The following DNAH14 variants were observed in gnomAD, a reference collection of about 807,000 sequenced individuals.
DNAH14 encodes the protein dynein axonemal heavy chain 14, also known as axonemal beta dynein heavy chain 14.
A neutral mutation model predicts 520.9 loss-of-function variants in DNAH14; 478 were observed. That is an observed-to-expected ratio of 0.92 (90% CI 0.85 to 0.99). The LOEUF (loss-of-function observed/expected upper bound fraction) is 0.99. Among genes scored for constraint, DNAH14 ranks in the 50% least tolerant of loss-of-function variants. DNAH14 has a pLI of 0.00. For synonymous variants in DNAH14, 1,581 were observed against 1,757.2 expected (o/e 0.90, Z 2.51); for missense variants, 4,831 against 5,234.5 (o/e 0.92, Z 2.38).
chr1:225,373,063 T>C (rs888988024), intron 77 of DNAH14, among the ~76,000 whole-genome samples: 1 of 151,470 alleles, frequency 6.6e-6, no homozygotes, highest in Non-Finnish European at 1.5e-5. Flanking sequence ...AACAAAAAAA[T>C]TCCTTCACAC....
At chr1:225,150,758 C>T (rs2080423736) in intron 31 of DNAH14, among the ~76,000 whole-genome samples, 1 of 152,036 alleles carries the variant, frequency 6.6e-6, no homozygotes, top group African/African-American at 2.4e-5. Flanking sequence ...AGGCAGACAT[C>T]TCACTCTGTT....
chr1:225,129,784 A>G (rs902409964), intron 27 of DNAH14, among the ~76,000 whole-genome samples: 1 of 152,160 alleles, frequency 6.6e-6, no homozygotes, highest in African/African-American at 2.4e-5. Flanking sequence ...TAAAACACCA[A>G]AAGCAATGGC....
At chr1:225,049,632 G>C (rs1482091799) in intron 15 of DNAH14, among the ~76,000 whole-genome samples, 1 of 152,044 alleles carries the variant, frequency 6.6e-6, no homozygotes, top group East Asian at 1.9e-4. Context: ...AGATCACACA[G>C]ATTTTCTCTC....
intron 17 of DNAH14, among the ~76,000 whole-genome samples, chr1:225,067,078 G>T (rs573287630): frequency 6.6e-6 from 1 of 151,976 alleles, no homozygotes; most frequent in Non-Finnish European, 1.5e-5. Context: ...CATCAGCCAG[G>T]TATTAATCCA....
rs969366737 is a variant in DNAH14 at position 225,002,903 on chromosome 1, T to C, written c.951T>C (p.Asn317=). 1.3e-6 allele frequency: 2 copies of C among 1,548,998 alleles called. No individual in the cohort carries two copies. Among genetic ancestry groups the C allele is most frequent in the African/African-American group, 2.7e-5 (2 of 72,934 alleles). The stretch of plus-strand genomic sequence containing the variant: ...AAAATTATAATGACCATGAAAATAA[T>C]CTATCTGCCATATGCCTTGTAAAGG... ...NLKNYNDHEN[N]LSAICLVKLD... Residue 317 remains asparagine (N), a synonymous_variant, in exon 9 of 86, where the codon AAT becomes AAC. Coordinates refer to ENST00000682510, the MANE Select transcript of DNAH14 (RefSeq NM_001367479.1).
chr1:225,335,221 AT>A (rs2094913498), intron 66 of DNAH14, among the ~76,000 whole-genome samples: 1 of 136,078 alleles, frequency 7.3e-6, no homozygotes, highest in Non-Finnish European at 1.7e-5. Flanking sequence ...GTGTGTATAT[AT>A]GCACATATAC....
At chr1:225,364,519 AT>A (rs2150576338) in intron 75 of DNAH14, among the ~76,000 whole-genome samples, 1 of 152,140 alleles carries the variant, frequency 6.6e-6, no homozygotes, top group East Asian at 1.9e-4. Flanking sequence ...AGAACTCTTC[AT>A]TTTGTTCTTA....
At chr1:225,338,518 G>A (rs1026987327) in intron 68 of DNAH14, among the ~76,000 whole-genome samples, 4 of 152,062 alleles carry the variant, frequency 2.6e-5, no homozygotes, top group Admixed American at 2.6e-4. Flanking sequence ...TTATTTGGGC[G>A]AGAAAAGTTT....
intron 11 of DNAH14, among the ~76,000 whole-genome samples, chr1:225,028,767 A>G (rs867549613): frequency 1.3e-5 from 2 of 152,044 alleles, no homozygotes; most frequent in Admixed American, 1.3e-4. Context: ...TTACATACCT[A>G]CTAGAATGGC....
At chr1:225,398,285 C>A (rs1407080174) in intron 84 of DNAH14, among the ~76,000 whole-genome samples, 2 of 152,098 alleles carry the variant, frequency 1.3e-5, no homozygotes, top group Non-Finnish European at 2.9e-5. Flanking sequence ...GGAAGGGTGT[C>A]ATGGAAAAAA....
chr1:224,938,284 C>T (rs1461436028), intron 1 of DNAH14, among the ~76,000 whole-genome samples: 2 of 152,112 alleles, frequency 1.3e-5, no homozygotes, highest in Admixed American at 1.3e-4. Flanking sequence ...AACGTATTTG[C>T]AACCTAAGCA....
chr1:225,392,855 G>A (rs2095938867), intron 84 of DNAH14, among the ~76,000 whole-genome samples: 1 of 152,204 alleles, frequency 6.6e-6, no homozygotes, highest in South Asian at 2.1e-4. Flanking sequence ...CAGGTGCTAA[G>A]TGGAAACCTA....
intron 42 of DNAH14, among the ~76,000 whole-genome samples, chr1:225,236,918 A>C (rs935400140): frequency 6.6e-6 from 1 of 152,160 alleles, no homozygotes; most frequent in Non-Finnish European, 1.5e-5. Flanking sequence ...AATCATATGT[A>C]ATCATATACA....
chr1:225,281,461 T>A (rs1335763609), intron 54 of DNAH14, among the ~76,000 whole-genome samples: 1 of 152,162 alleles, frequency 6.6e-6, no homozygotes, highest in Non-Finnish European at 1.5e-5. Flanking sequence ...AGGTCTTTAA[T>A]CTTAATCATG....
Position 225,333,524 on chromosome 1 carries a change from T to C in DNAH14, c.10080+18T>C. On this transcript the variant is annotated intron_variant, in intron 66 of 85. Transcript: ENST00000682510. ...AATATGAGGTAATAACATATTTCTA[T>C]TATCCAGTTAAGTGGCTATTATTGT... is the stretch of plus-strand genomic sequence containing the variant. 6.5e-7 allele frequency: 1 copy of C among 1,537,588 alleles called. No homozygotes were observed. The highest frequency in any genetic ancestry group is 8.8e-7 in the Non-Finnish European group (1 of 1,136,714).
At chr1:225,126,440 G>C (rs1296545077) in intron 27 of DNAH14, among the ~76,000 whole-genome samples, 1 of 152,208 alleles carries the variant, frequency 6.6e-6, no homozygotes, top group African/African-American at 2.4e-5. Flanking sequence ...TCTTGGAAGA[G>C]TGTATGTGTC....
In DNAH14 at chr1:225,353,714, T is replaced by C. The variant is rs1479618031; in HGVS notation, c.11534-89T>C. On this transcript the variant is annotated intron_variant, in intron 72 of 85. Coordinates refer to ENST00000682510, the MANE Select transcript of DNAH14 (RefSeq NM_001367479.1). ...TTTAGAAAAAAAAAAAAGTCACAAT[T>C]TTATGACAGAAATTTTCATTGTGAT... 7.9e-6 allele frequency: 6 copies of C among 764,026 alleles called. No homozygotes were observed. In the African/African-American group the frequency reaches 9.0e-5, roughly 12 times the overall value. 47.3% of individuals were successfully genotyped at this position (764,026 alleles called of 1,614,324 possible).
intron 71 of DNAH14, among the ~76,000 whole-genome samples, chr1:225,350,893 C>A (rs2095355800): frequency 6.6e-6 from 1 of 152,114 alleles, no homozygotes; most frequent in Admixed American, 6.5e-5. Flanking sequence ...TTCTGTGAGG[C>A]CAGCATTATT....
At chr1:224,950,261 CA>C (rs2060087159) in intron 1 of DNAH14, among the ~76,000 whole-genome samples, 1 of 152,000 alleles carries the variant, frequency 6.6e-6, no homozygotes, top group Non-Finnish European at 1.5e-5. Context: ...TCTTTATTTA[CA>C]AGTTGTCCTT....
Sources: allele counts gnomAD v4.1 joint callset (sites outside exome capture counted in the v4.1 genomes callset), GRCh38; gene constraint gnomAD v4.1.1; transcripts MANE v1.5; gene names NCBI Gene and HGNC (gene_info 2026-07-23, HGNC 2026-07-21).